The following CNGA1 variants were observed in gnomAD, a reference collection of about 807,000 sequenced individuals.
CNGA1 encodes cyclic nucleotide gated channel subunit alpha 1, also known as cyclic nucleotide-gated channel alpha-1.
CNGA1 carries 53 observed loss-of-function variants against 69.7 expected under a neutral mutation model. That is an observed-to-expected ratio of 0.76 (90% CI 0.61 to 0.96). The LOEUF (loss-of-function observed/expected upper bound fraction) is 0.96. Among genes scored for constraint, CNGA1 ranks in the 40% least tolerant of loss-of-function variants. CNGA1 has a pLI of 0.00. For synonymous variants in CNGA1, 249 were observed against 283.5 expected, an observed-to-expected ratio of 0.88 and a Z score of 1.22; for missense variants, 739 against 811.2, an observed-to-expected ratio of 0.91 and a Z score of 1.08.
At chr4:47,943,739 A>C (rs908526612) in intron 6 of CNGA1, among the ~76,000 whole-genome samples, 3 of 152,236 alleles carry the variant, frequency 2.0e-5, no homozygotes, top group African/African-American at 7.2e-5. Flanking sequence ...TATTAAAAAT[A>C]ATATTTAAAA....
intron 2 of CNGA1, among the ~76,000 whole-genome samples, chr4:47,990,919 C>T (rs1225478267): frequency 6.6e-6 from 1 of 152,180 alleles, no homozygotes. Context: ...TCCTGAGTTA[C>T]TTCACTTAGA....
chr4:47,969,049 C>T (rs977764523), intron 3 of CNGA1, among the ~76,000 whole-genome samples: 2 of 151,956 alleles, frequency 1.3e-5, no homozygotes, highest in African/African-American at 2.4e-5. Flanking sequence ...TGACATCATC[C>T]CATGTTTACT....
In CNGA1 at chr4:47,947,595, G is replaced by A. The variant is rs542602704; in HGVS notation, c.287+2238C>T. On this transcript the variant is annotated intron_variant, in intron 6 of 10. Transcript: ENST00000514170. ...TGAGGCAGGAGGATCATTTGATCCC[G>A]GGAGATGGAGGCTGCAGTGAGCCAA... is the stretch of plus-strand genomic sequence containing the variant. 5.3e-5 allele frequency among the ~76,000 whole-genome samples: 8 copies of A among 152,198 alleles called. No homozygotes were observed. In the East Asian group the frequency reaches 5.8e-4, roughly 11 times the overall value.
intron 2 of CNGA1, among the ~76,000 whole-genome samples, chr4:47,992,561 T>G (rs558859590): frequency 2.0e-5 from 3 of 152,108 alleles, no homozygotes; most frequent in Non-Finnish European, 4.4e-5. Context: ...TTCTATGAGT[T>G]TTCTGGAGGA....
chr4:47,973,203 G>A (rs1017978065), intron 3 of CNGA1, among the ~76,000 whole-genome samples: 3 of 144,330 alleles, frequency 2.1e-5, no homozygotes, highest in African/African-American at 8.7e-5. Context: ...AAGTACCTGG[G>A]ATTAAAGGCA....
chr4:47,973,365 C>A (rs1419196626), intron 3 of CNGA1, among the ~76,000 whole-genome samples: 2 of 152,000 alleles, frequency 1.3e-5, no homozygotes, highest in African/African-American at 4.8e-5. Flanking sequence ...CGTGAACCAC[C>A]GCGTCCGGTC....
At chr4:48,003,237 C>T (rs1376867340) in intron 2 of CNGA1, among the ~76,000 whole-genome samples, 1 of 152,106 alleles carries the variant, frequency 6.6e-6, no homozygotes, top group Admixed American at 6.6e-5. Context: ...AGGGGGCTTT[C>T]AGGTCATAGG....
At chr4:48,004,534 C>T (rs897616730) in intron 2 of CNGA1, among the ~76,000 whole-genome samples, 10 of 152,066 alleles carry the variant, frequency 6.6e-5, no homozygotes, top group African/African-American at 9.7e-5. Flanking sequence ...AGGTTTTGTC[C>T]GATCTCTCAT....
rs761191062 is a variant in CNGA1 at position 47,937,758 on chromosome 4, A to AT, written c.723dup (p.Phe242IlefsTer2). Reference sequence around the variant, plus strand: ...ATCAGTGACAGAACATCAAGTTTAAATTGCAAGTTGGATTTATATTTATTT... The same window carrying AT: ...ATCAGTGACAGAACATCAAGTTTAAATTTGCAAGTTGGATTTATATTTATTT... On this transcript the variant is annotated frameshift_variant, in exon 11 of 11. Transcript: ENST00000514170. LOFTEE classifies it high-confidence loss of function. 4 of 1,613,658 alleles carry AT rather than the reference A, an allele frequency of 2.5e-6. No homozygotes were observed. In the African/African-American group the frequency reaches 5.3e-5, roughly 22 times the overall value.
intron 3 of CNGA1, among the ~76,000 whole-genome samples, chr4:47,954,989 C>A (rs2110165484): frequency 1.3e-5 from 2 of 151,918 alleles, no homozygotes; most frequent in East Asian, 3.9e-4. Flanking sequence ...TTATAACCAT[C>A]CTTTATAACT....
chr4:47,946,435 C>T (rs538967234), intron 6 of CNGA1, among the ~76,000 whole-genome samples: 1 of 152,228 alleles, frequency 6.6e-6, no homozygotes, highest in East Asian at 1.9e-4. Flanking sequence ...CAGGGGATAA[C>T]AAACTGTACA....
chr4:47,938,922 G>A (rs1036283048), intron 10 of CNGA1, among the ~76,000 whole-genome samples: 6 of 146,306 alleles, frequency 4.1e-5, no homozygotes, highest in Admixed American at 2.1e-4. Flanking sequence ...AAAAAAGAAA[G>A]AAAGAAAGAG....
rs1272432423 is a variant in CNGA1 at position 47,936,933 on chromosome 4, C to A, written c.1549G>T (p.Glu517Ter). 1.2e-6 allele frequency: 2 copies of A among 1,614,096 alleles called. No homozygotes were observed. Among genetic ancestry groups the A allele is most frequent in the Admixed American group, 1.7e-5 (1 of 60,008 alleles). Residue 517 changes from glutamate to a stop codon, truncating the protein, a stop_gained, in exon 11 of 11, where the codon GAA (glutamate) becomes TAA (stop). Coordinates refer to ENST00000514170, the MANE Select transcript of CNGA1 (RefSeq NM_001379270.1). LOFTEE classifies it high-confidence loss of function. Reference sequence around the variant, plus strand: ...TCTGCCACCACAGCGAGTTTGCCTTCCTTGATAATGTACATCTCTCGTCCG... The same window carrying A: ...TCTGCCACCACAGCGAGTTTGCCTTACTTGATAATGTACATCTCTCGTCCG... ...DIGREMYIIK[E>*]GKLAVVADDG... is the part of the protein sequence containing the mutation.
At chr4:47,999,249 T>C (rs1349793229) in intron 2 of CNGA1, among the ~76,000 whole-genome samples, 1 of 152,210 alleles carries the variant, frequency 6.6e-6, no homozygotes, top group Non-Finnish European at 1.5e-5. Context: ...CAAAAATACA[T>C]AGTGTATATA....
intron 3 of CNGA1, chr4:47,959,013 A>ATTGT (rs1447848925): frequency 1.3e-5 from 2 of 152,238 alleles, no homozygotes; most frequent in Non-Finnish European, 2.9e-5. Context: ...AATTACTTTG[A>ATTGT]TTGTTTATAG....
chr4:48,004,699 T>C (rs1359757110), intron 2 of CNGA1, among the ~76,000 whole-genome samples: 1 of 152,174 alleles, frequency 6.6e-6, no homozygotes, highest in Admixed American at 6.6e-5. Context: ...GGAAAATGCA[T>C]ATAGGCCACA....
chr4:48,014,241 A>G (rs1036952876), intron 1 of CNGA1, among the ~76,000 whole-genome samples: 4 of 152,196 alleles, frequency 2.6e-5, no homozygotes, highest in Admixed American at 1.3e-4. Flanking sequence ...CCCCAACTTT[A>G]TGTCATTAAA....
At chr4:47,998,740 T>A (rs1364827826) in intron 2 of CNGA1, among the ~76,000 whole-genome samples, 1 of 152,140 alleles carries the variant, frequency 6.6e-6, no homozygotes, top group Non-Finnish European at 1.5e-5. Context: ...ATCACACTGC[T>A]GCACTCCAGT....
chr4:47,987,343 A>T (rs1237102783), intron 2 of CNGA1, among the ~76,000 whole-genome samples: 1 of 152,216 alleles, frequency 6.6e-6, no homozygotes, highest in Non-Finnish European at 1.5e-5. Context: ...CTACACACCA[A>T]GACCTTCAGC....
Sources: allele counts gnomAD v4.1 joint callset (sites outside exome capture counted in the v4.1 genomes callset), GRCh38; gene constraint gnomAD v4.1.1; transcripts MANE v1.5; gene names NCBI Gene and HGNC (gene_info 2026-07-23, HGNC 2026-07-21).